Variants in KAZN observed in about 807,000 individuals in gnomAD.
The protein encoded by KAZN is kazrin.
A neutral mutation model predicts 87.4 loss-of-function variants in KAZN; 40 were observed. The ratio of observed to expected loss-of-function variants is 0.46; its 90% confidence interval spans 0.36 to 0.60. The LOEUF is 0.60. KAZN is among the 20% of genes least tolerant of loss of function. The probability of loss-of-function intolerance (pLI) is 0.00; values close to 1 mark genes in which losing one functional copy is unlikely to be tolerated. For synonymous variants in KAZN, 466 were observed against 458.3 expected (o/e 1.02, Z -0.22); for missense variants, 898 against 1,073.9 (o/e 0.84, Z 2.29).
intron 1 of KAZN, among the ~76,000 whole-genome samples, chr1:14,808,543 C>T (rs182157225): frequency 1.3e-5 from 2 of 151,522 alleles, no homozygotes; most frequent in African/African-American, 4.8e-5. Flanking sequence ...AGTGATCCAC[C>T]CACCTCAGCC....
chr1:14,158,365 T>C (rs1645641050), intron 1 of KAZN, among the ~76,000 whole-genome samples: 1 of 152,158 alleles, frequency 6.6e-6, no homozygotes, highest in African/African-American at 2.4e-5. Flanking sequence ...AATCCTTTTT[T>C]CTGCTTGATC....
At chr1:14,238,386 A>G (rs1648616139) in intron 2 of KAZN, among the ~76,000 whole-genome samples, 1 of 152,206 alleles carries the variant, frequency 6.6e-6, no homozygotes, top group Admixed American at 6.5e-5. Context: ...GATGGGAGTG[A>G]CAGACTGTCA....
At chr1:14,725,490 A>G (rs1477755028) in intron 1 of KAZN, among the ~76,000 whole-genome samples, 3 of 141,846 alleles carry the variant, frequency 2.1e-5, no homozygotes, top group Non-Finnish European at 4.6e-5. Flanking sequence ...TTCTCCTTTT[A>G]TATCTCCTGT....
At chr1:14,376,593 A>G (rs998380137) in intron 2 of KAZN, among the ~76,000 whole-genome samples, 8 of 152,248 alleles carry the variant, frequency 5.3e-5, no homozygotes, top group Admixed American at 2.0e-4. Context: ...AATATCTATT[A>G]TAAATTACTC....
intron 1 of KAZN, among the ~76,000 whole-genome samples, chr1:14,109,818 T>TTTTTTTTTGAGA (rs1427458889): frequency 6.6e-6 from 1 of 150,898 alleles, no homozygotes; most frequent in Non-Finnish European, 1.5e-5. Context: ...CAAAACGATT[T>TTTTTTTTTGAGA]CAGCGTCAAG....
intron 2 of KAZN, among the ~76,000 whole-genome samples, chr1:14,547,876 A>C (rs1299930103): frequency 6.6e-6 from 1 of 152,114 alleles, no homozygotes; most frequent in Non-Finnish European, 1.5e-5. Flanking sequence ...CATATTTACA[A>C]AAATGAACAA....
At chr1:14,514,812 A>G (rs1671217469) in intron 2 of KAZN, among the ~76,000 whole-genome samples, 4 of 151,462 alleles carry the variant, frequency 2.6e-5, no homozygotes, top group Non-Finnish European at 4.4e-5. Flanking sequence ...ATAAAATGGA[A>G]CTAATAAACC....
At chr1:14,840,244 G>T (rs1354696775) in intron 1 of KAZN, among the ~76,000 whole-genome samples, 1 of 152,122 alleles carries the variant, frequency 6.6e-6, no homozygotes, top group Non-Finnish European at 1.5e-5. Context: ...AATAGCCATT[G>T]AAATGATTAG....
intron 1 of KAZN, among the ~76,000 whole-genome samples, chr1:14,105,762 C>T (rs1644358897): frequency 6.6e-6 from 1 of 152,188 alleles, no homozygotes; most frequent in African/African-American, 2.4e-5. Context: ...AGTTAAGACC[C>T]TTGAGCTGCG....
chr1:14,279,019 T>C (rs530936277), intron 2 of KAZN, among the ~76,000 whole-genome samples: 1 of 139,498 alleles, frequency 7.2e-6, no homozygotes, highest in Non-Finnish European at 1.5e-5. Flanking sequence ...TTTGCAAAAC[T>C]ATGAACCATC....
chr1:14,692,248 G>T (rs951554188), intron 1 of KAZN: 1 of 706,076 alleles, frequency 1.4e-6, no homozygotes, highest in South Asian at 5.2e-5. Flanking sequence ...TCCAACCTGC[G>T]CTGGCAATCT....
intron 2 of KAZN, among the ~76,000 whole-genome samples, chr1:14,374,780 G>A (rs1269545480): frequency 6.6e-6 from 1 of 152,066 alleles, no homozygotes; most frequent in East Asian, 1.9e-4. Context: ...AAATCATCAC[G>A]CTCCCTGTAC....
intron 2 of KAZN, among the ~76,000 whole-genome samples, chr1:14,588,532 C>T (rs1675992733): frequency 1.3e-5 from 2 of 152,218 alleles, no homozygotes; most frequent in East Asian, 1.9e-4. Flanking sequence ...AACTTACGCA[C>T]CTGAGTGCCA....
At chr1:14,488,631 A>G (rs554944662) in intron 2 of KAZN, among the ~76,000 whole-genome samples, 4 of 152,362 alleles carry the variant, frequency 2.6e-5, no homozygotes, top group African/African-American at 7.2e-5. Flanking sequence ...AGCGTCTTCA[A>G]TCACAGGCTG....
chr1:13,997,568 A>G (rs1469288628), intron 1 of KAZN, among the ~76,000 whole-genome samples: 3 of 151,924 alleles, frequency 2.0e-5, no homozygotes, highest in Non-Finnish European at 4.4e-5. Flanking sequence ...AACTTTGTGA[A>G]GGATACACAA....
chr1:14,695,005 C>A (rs893448297), intron 1 of KAZN, among the ~76,000 whole-genome samples: 3 of 152,194 alleles, frequency 2.0e-5, no homozygotes, highest in African/African-American at 7.2e-5. Context: ...TCAGTCCCTA[C>A]TCTCTTGTCC....
intron 1 of KAZN, among the ~76,000 whole-genome samples, chr1:14,708,265 T>C (rs1467876346): frequency 2.6e-5 from 4 of 152,128 alleles, no homozygotes; most frequent in East Asian, 1.9e-4. Context: ...AGAGGTGTGG[T>C]TGGAATCAGG....
chr1:14,824,302 G>A (rs1646820695), intron 1 of KAZN, among the ~76,000 whole-genome samples: 1 of 152,132 alleles, frequency 6.6e-6, no homozygotes, highest in African/African-American at 2.4e-5. Flanking sequence ...GGCAGAGGAA[G>A]AGTGAACCAG....
At chr1:13,933,373 T>G (rs1248596780) in intron 1 of KAZN, among the ~76,000 whole-genome samples, 3 of 152,080 alleles carry the variant, frequency 2.0e-5, no homozygotes, top group Non-Finnish European at 4.4e-5. Flanking sequence ...ATGACTGTAA[T>G]CCCAGCTACT....
Sources: gnomAD v4.1 joint callset for allele counts (sites outside exome capture counted in the v4.1 genomes callset) on GRCh38, gnomAD v4.1.1 for gene constraint, MANE v1.5 for transcripts, NCBI Gene and HGNC (gene_info 2026-07-23, HGNC 2026-07-21) for gene names.